The following PPM1G variants were observed in gnomAD, a reference collection of about 807,000 sequenced individuals.
PPM1G encodes protein phosphatase, Mg2+/Mn2+ dependent 1G, also known as protein phosphatase 1G.
A neutral mutation model predicts 59.4 loss-of-function variants in PPM1G; 12 were observed. The observed-to-expected ratio is 0.20, with a 90% CI of 0.13 to 0.33. PPM1G has a LOEUF of 0.33. Ranked by LOEUF, PPM1G falls within the 10% of genes least tolerant of loss-of-function variation. The pLI is 1.00. For missense variants in PPM1G, 392 were observed against 681.3 expected (o/e 0.58, Z 4.73); for synonymous variants, 245 against 251.9 (o/e 0.97, Z 0.26).
chr2:27,388,225 A>G (rs2148420069), intron 1 of PPM1G, among the ~76,000 whole-genome samples: 1 of 151,926 alleles, frequency 6.6e-6, no homozygotes, highest in South Asian at 2.1e-4. Flanking sequence ...CCTGGCCAAC[A>G]TGGTGAAACC....
In PPM1G at chr2:27,395,241, AAAAAAAAAAG is replaced by A. The variant is rs1231075220; in HGVS notation, c.121-8093_121-8084del. The stretch of plus-strand genomic sequence containing the variant: ...AGAGTGAGACTCTGTCTCAAAAAAA[AAAAAAAAAAG>A]AAAGAAAGAAAGAAAGAAAAACTTA... On this transcript the variant is annotated intron_variant, in intron 1 of 9. Coordinates refer to ENST00000344034, the MANE Select transcript of PPM1G (RefSeq NM_177983.3). Among the ~76,000 whole-genome samples the A allele has an allele frequency of 5.0e-3, 744 of 148,866 alleles. 8 individuals carry two copies. The highest frequency in any genetic ancestry group is 0.016 in the African/African-American group (656 of 40,446).
chr2:27,382,525 T>G lies in PPM1G; in HGVS notation c.1282A>C (p.Thr428Pro). The G allele has an allele frequency of 6.2e-7, 1 of 1,614,028 alleles. No homozygotes were observed. The highest frequency in any genetic ancestry group is 8.5e-7 in the Non-Finnish European group (1 of 1,179,998). ...ATGAATTCATGGTCGTCAGTGAGAG[T>G]CAGCACCTTGATGTCAGGAAGGGCT... ...ISALPDIKVL[T>P]LTDDHEFMVI... is the part of the protein sequence containing the mutation. The change falls in exon 8 of 10, where the codon ACT becomes CCT. Residue 428 changes from threonine (T) to proline (P), a missense_variant. Thr to Pro is a conservative substitution (Grantham distance 38). Coordinates refer to ENST00000344034, the MANE Select transcript of PPM1G (RefSeq NM_177983.3). The surrounding 1 kb of genome is among the most constrained non-coding windows in gnomAD (Gnocchi z 4.2).
intron 1 of PPM1G, among the ~76,000 whole-genome samples, chr2:27,393,756 T>TG (rs1683976442): frequency 6.6e-6 from 1 of 151,298 alleles, no homozygotes; most frequent in African/African-American, 2.4e-5. Context: ...AGCTAATTTT[T>TG]TATTTTTATT....
intron 3 of PPM1G, 150 bp downstream of exon 3, chr2:27,386,044 G>T: frequency 8.1e-7 from 1 of 1,240,778 alleles, no homozygotes; most frequent in South Asian, 1.4e-5. Flanking sequence ...AAGTCTAAAA[G>T]GCGGCCAATA....
intron 1 of PPM1G, among the ~76,000 whole-genome samples, chr2:27,399,687 G>C (rs796111041): frequency 5.9e-5 from 9 of 152,250 alleles, no homozygotes; most frequent in African/African-American, 2.2e-4. Context: ...ACTACAATGA[G>C]ATACCATCTC....
chr2:27,399,719 A>T (rs1214509930), intron 1 of PPM1G, among the ~76,000 whole-genome samples: 1 of 152,212 alleles, frequency 6.6e-6, no homozygotes, highest in Non-Finnish European at 1.5e-5. Context: ...TAGTTATTAT[A>T]AAAAAGGTGG....
rs770412416 is a variant in PPM1G, at chr2:27,383,953, T to A, written c.965A>T (p.Glu322Val). The change falls in exon 6 of 10, where the codon GAG becomes GTG. Residue 322 changes from glutamate to valine, a missense_variant and splice_region_variant. Around this residue, in one of 6 missense-constraint regions of PPM1G, gnomAD observed 53 missense variants for 175.4 expected, o/e 0.30. Coordinates refer to ENST00000344034, the MANE Select transcript of PPM1G (RefSeq NM_177983.3). This position sits in a 1 kb window ranked among gnomAD's most constrained non-coding sequence, Gnocchi z 5.0. ...TCATTGCTCCCCTTCCCCACACACC[T>A]CCTCTTTGCCTTCCATCCCTGGCAC... ...MMVPGMEGKE[E>V]PGSDSGTTAV... 5 of 1,552,634 alleles carry A rather than the reference T, an allele frequency of 3.2e-6. No individual in the cohort carries two copies. The highest frequency in any genetic ancestry group is 2.6e-6 in the Non-Finnish European group (3 of 1,147,302).
In PPM1G at chr2:27,409,522, G is replaced by A. The variant is rs1251166466; in HGVS notation, c.-100C>T. ...GCGCGCGGCAGGAGCAGGCCCCGCG[G>A]CGCGACCGACGCAAGGTGCCGGTGA... On this transcript the variant is annotated 5_prime_UTR_variant, in exon 1 of 10. Coordinates refer to ENST00000344034, the MANE Select transcript of PPM1G (RefSeq NM_177983.3). 5 of 1,321,150 alleles carry A rather than the reference G, an allele frequency of 3.8e-6. No homozygotes were observed. The African/African-American group carries it at 7.8e-5, about 21-fold the overall frequency. 81.8% of individuals were successfully genotyped at this position (1,321,150 alleles called of 1,614,324 possible).
chr2:27,388,703 G>A lies in PPM1G; in HGVS notation c.121-1545C>T, dbSNP rs372384057. On this transcript the variant is annotated intron_variant, in intron 1 of 9. Transcript: ENST00000344034. The stretch of plus-strand genomic sequence containing the variant: ...ATCCTGGCTAACATGGTGAAACCCC[G>A]TCTCTACTAAAAATACAAAAAATTA... Among the ~76,000 whole-genome samples, 974 of 151,848 alleles carry A rather than the reference G, an allele frequency of 6.4e-3. 12 individuals are homozygous for A. Among genetic ancestry groups the A allele is most frequent in the African/African-American group, 0.022 (907 of 41,426 alleles).
chr2:27,402,211 C>T (rs1010245966), intron 1 of PPM1G, among the ~76,000 whole-genome samples: 1 of 152,168 alleles, frequency 6.6e-6, no homozygotes, highest in Admixed American at 6.5e-5. Context: ...ACTCTGTCTA[C>T]AAAATGTCAT....
chr2:27,409,194 G>C, intron 1 of PPM1G, 109 bp downstream of exon 1: 1 of 1,383,128 alleles, frequency 7.2e-7, no homozygotes, highest in Non-Finnish European at 9.4e-7. Flanking sequence ...CGCTGCGGCC[G>C]CAGGCTCCCA....
intron 1 of PPM1G, among the ~76,000 whole-genome samples, chr2:27,398,425 G>T (rs915757376): frequency 6.6e-6 from 1 of 152,060 alleles, no homozygotes; most frequent in Non-Finnish European, 1.5e-5. Context: ...GAAAATTCTC[G>T]TGACTTTGGG....
intron 1 of PPM1G, among the ~76,000 whole-genome samples, chr2:27,402,320 C>T (rs1220080117): frequency 6.6e-6 from 1 of 152,136 alleles, no homozygotes; most frequent in Non-Finnish European, 1.5e-5. Flanking sequence ...CAAATTCAAG[C>T]CCTTACCTCT....
At chr2:27,387,008 T>C (rs2148419384) in intron 2 of PPM1G, 81 bp downstream of exon 2, 1 of 1,114,112 alleles carries the variant, frequency 9.0e-7, no homozygotes. Context: ...GGAAAGTAAA[T>C]GAACAAAGGG....
intron 1 of PPM1G, among the ~76,000 whole-genome samples, chr2:27,408,361 A>T (rs906394636): frequency 1.3e-5 from 2 of 152,140 alleles, no homozygotes; most frequent in African/African-American, 4.8e-5. Context: ...TGCTCTTCAC[A>T]AAGCCACGGT....
Position 27,384,163 on chromosome 2 carries a change from A to G in PPM1G, c.826-71T>C. ...TCCCTCCCCACAGCTCATACTCAGA[A>G]TCAAGAGGTCCTGACTGAACACAGG... On this transcript the variant is annotated intron_variant, in intron 5 of 9. Transcript: ENST00000344034. This position sits in a 1 kb window ranked among gnomAD's most constrained non-coding sequence, Gnocchi z 4.8. 6.2e-7 allele frequency: 1 copy of G among 1,605,206 alleles called. No individual in the cohort carries two copies. The highest frequency in any genetic ancestry group is 8.5e-7 in the Non-Finnish European group (1 of 1,175,960).
intron 1 of PPM1G, among the ~76,000 whole-genome samples, chr2:27,399,897 T>C (rs1684143483): frequency 6.8e-6 from 1 of 147,682 alleles, no homozygotes; most frequent in African/African-American, 2.5e-5. Context: ...CCAAGAGATA[T>C]GAGGACATAT....
chr2:27,393,443 G>A (rs538684889), intron 1 of PPM1G: 14 of 923,080 alleles, frequency 1.5e-5, no homozygotes, highest in Admixed American at 1.2e-4. Flanking sequence ...GGGCCTTGGG[G>A]CAGTCCGAGG....
At chr2:27,386,930 G>A (rs1222294326) in intron 2 of PPM1G, 159 bp downstream of exon 2, 5 of 613,806 alleles carry the variant, frequency 8.1e-6, no homozygotes, top group Non-Finnish European at 1.5e-5. Context: ...AGTACCTACT[G>A]GGAAAAAAGA....
Sources: gnomAD v4.1 joint callset for allele counts (sites outside exome capture counted in the v4.1 genomes callset) on GRCh38, gnomAD v4.1.1 for gene constraint, gnomAD v4.1.1 regional missense constraint, Gnocchi (gnomAD v3.1) non-coding constraint, MANE v1.5 for transcripts, NCBI Gene and HGNC (gene_info 2026-07-23, HGNC 2026-07-21) for gene names.